ATP10B: variants seen among roughly 807,000 people sequenced by gnomAD.
The protein encoded by ATP10B is phospholipid-transporting ATPase VB.
In ATP10B, 122 loss-of-function variants were observed where a neutral mutation model predicts 141.2. That is an observed-to-expected ratio of 0.86 (90% CI 0.75 to 1.00). ATP10B has a LOEUF of 1.00. Among genes scored for constraint, ATP10B ranks in the 50% least tolerant of loss-of-function variants. The probability of loss-of-function intolerance (pLI) is 0.00; values close to 1 mark genes in which losing one functional copy is unlikely to be tolerated. For synonymous variants in ATP10B, 685 were observed against 692.0 expected (o/e 0.99, Z 0.16); for missense variants, 1,876 against 1,825.3 (o/e 1.03, Z -0.51).
chr5:160,580,703 T>G (rs974475785), intron 24 of ATP10B, among the ~76,000 whole-genome samples: 4 of 152,174 alleles, frequency 2.6e-5, no homozygotes, highest in African/African-American at 9.7e-5. Flanking sequence ...CCCTCTTTTT[T>G]TATTGTTTGG....
intron 1 of ATP10B, among the ~76,000 whole-genome samples, chr5:160,828,943 A>C (rs2127973730): frequency 6.9e-6 from 1 of 145,984 alleles, no homozygotes; most frequent in South Asian, 2.2e-4. Flanking sequence ...CATTCTCAGT[A>C]AACTAACGCA....
intron 16 of ATP10B, among the ~76,000 whole-genome samples, chr5:160,616,270 AAT>A (rs778608019): frequency 5.9e-5 from 9 of 152,172 alleles, no homozygotes; most frequent in Non-Finnish European, 8.8e-5. Flanking sequence ...AATAATTTAA[AAT>A]AGTTATTTCA....
intron 25 of ATP10B, among the ~76,000 whole-genome samples, chr5:160,567,877 A>G (rs1754640817): frequency 6.6e-6 from 1 of 152,206 alleles, no homozygotes; most frequent in African/African-American, 2.4e-5. Context: ...GACTACCGAA[A>G]TAATTTGGGG....
chr5:160,861,615 C>T, the ATP10B span, among the ~76,000 whole-genome samples: 20 of 151,782 alleles, frequency 1.3e-4, no homozygotes, highest in African/African-American at 4.6e-4. Context: ...ACTGTATATG[C>T]TGTGCAGTAG....
At chr5:160,730,183 T>C (rs1340960161) in intron 2 of ATP10B, among the ~76,000 whole-genome samples, 1 of 152,104 alleles carries the variant, frequency 6.6e-6, no homozygotes, top group Non-Finnish European at 1.5e-5. Context: ...GTTTACCTAT[T>C]CTTGTTCTAC....
At position 160,636,809 on chromosome 5, in the gene ATP10B, C is replaced by T. The variant is rs375738144; in HGVS notation, c.1001-500G>A. Among the ~76,000 whole-genome samples, 30 of 151,678 alleles carry T rather than the reference C, an allele frequency of 2.0e-4. 1 individual carries two copies. The highest frequency in any genetic ancestry group is 1.2e-3 in the East Asian group (6 of 5,116). On this transcript the variant is annotated intron_variant, in intron 10 of 25. Coordinates refer to ENST00000327245, the MANE Select transcript of ATP10B (RefSeq NM_025153.3). ...CCATCCACCTACCCATCTACTCACCCGTCCATCCACCCATCCATCAATTCT... is the reference window on the plus strand; with the variant it reads ...CCATCCACCTACCCATCTACTCACCTGTCCATCCACCCATCCATCAATTCT...
At chr5:160,909,266 G>A in the ATP10B span, among the ~76,000 whole-genome samples, 1 of 152,146 alleles carries the variant, frequency 6.6e-6, no homozygotes, top group African/African-American at 2.4e-5. Flanking sequence ...GTGATGGAAG[G>A]TAAGACACAG....
intron 1 of ATP10B, among the ~76,000 whole-genome samples, chr5:160,797,239 G>C (rs756405329): frequency 4.6e-5 from 7 of 151,994 alleles, no homozygotes; most frequent in African/African-American, 1.7e-4. Flanking sequence ...CACTGTGTCC[G>C]GCCCACAGAT....
chr5:160,715,901 G>A (rs925165652), intron 3 of ATP10B, among the ~76,000 whole-genome samples: 4 of 151,886 alleles, frequency 2.6e-5, no homozygotes, highest in Non-Finnish European at 5.9e-5. Flanking sequence ...AGTTGAGATG[G>A]GGTTTCACCA....
intron 7 of ATP10B, among the ~76,000 whole-genome samples, chr5:160,660,504 CATT>C (rs1275404622): frequency 6.6e-6 from 1 of 152,192 alleles, no homozygotes; most frequent in Non-Finnish European, 1.5e-5. Context: ...GCAACCAACT[CATT>C]ATTTTGAAAA....
At chr5:160,622,333 A>ACC in intron 14 of ATP10B, 61 bp downstream of exon 14, 1 of 1,504,554 alleles carries the variant, frequency 6.6e-7, no homozygotes, top group Non-Finnish European at 8.9e-7. Flanking sequence ...CCTCGCCCCT[A>ACC]CCCTGCCTTC....
At chr5:160,594,369 A>G (rs1455897380) in intron 22 of ATP10B, among the ~76,000 whole-genome samples, 3 of 152,214 alleles carry the variant, frequency 2.0e-5, no homozygotes, top group Non-Finnish European at 4.4e-5. Flanking sequence ...GGCCTGCCCT[A>G]AAAGAGCTCC....
At chr5:160,857,238 G>A in the ATP10B span, among the ~76,000 whole-genome samples, 2 of 151,486 alleles carry the variant, frequency 1.3e-5, no homozygotes, top group Non-Finnish European at 3.0e-5. Context: ...TTCCTTAACA[G>A]ATATAGAGCT....
At chr5:160,808,300 T>G (rs1342407180) in intron 1 of ATP10B, among the ~76,000 whole-genome samples, 1 of 152,084 alleles carries the variant, frequency 6.6e-6, no homozygotes, top group African/African-American at 2.4e-5. Flanking sequence ...AATTTGCGAT[T>G]TTATTATTCT....
the ATP10B span, among the ~76,000 whole-genome samples, chr5:160,911,045 C>T: frequency 1.3e-5 from 2 of 152,176 alleles, no homozygotes; most frequent in African/African-American, 4.8e-5. Context: ...TCCTTCATAG[C>T]AACACAAACA....
chr5:160,870,577 G>A, the ATP10B span, among the ~76,000 whole-genome samples: 1 of 151,820 alleles, frequency 6.6e-6, no homozygotes, highest in Non-Finnish European at 1.5e-5. Context: ...CCAAGGATGG[G>A]ACAACTAAAA....
At chr5:160,829,281 T>A (rs953011008) in intron 1 of ATP10B, among the ~76,000 whole-genome samples, 1 of 152,098 alleles carries the variant, frequency 6.6e-6, no homozygotes, top group African/African-American at 2.4e-5. Flanking sequence ...TATGGTTTTA[T>A]TTCTGGTTTT....
chr5:160,704,401 G>A (rs899046790), intron 3 of ATP10B, among the ~76,000 whole-genome samples: 1 of 152,088 alleles, frequency 6.6e-6, no homozygotes, highest in African/African-American at 2.4e-5. Context: ...CTTTTTCTGA[G>A]TAGTAGGTCT....
chr5:160,708,364 G>C (rs1444316636), intron 3 of ATP10B, among the ~76,000 whole-genome samples: 4 of 152,084 alleles, frequency 2.6e-5, no homozygotes, highest in Non-Finnish European at 5.9e-5. Context: ...TTTCATGAGA[G>C]AGCCAAGGAG....
Sources: gnomAD v4.1 joint callset for allele counts (sites outside exome capture counted in the v4.1 genomes callset) on GRCh38, gnomAD v4.1.1 for gene constraint, MANE v1.5 for transcripts, NCBI Gene and HGNC (gene_info 2026-07-23, HGNC 2026-07-21) for gene names.